The following SLC30A8 variants were observed in gnomAD, a reference collection of about 807,000 sequenced individuals.
SLC30A8 encodes proton-coupled zinc antiporter SLC30A8.
In SLC30A8, 27 loss-of-function variants were observed where a neutral mutation model predicts 36.9. The ratio of observed to expected loss-of-function variants is 0.73; its 90% CI spans 0.54 to 1.01. The LOEUF is 1.01. SLC30A8 is among the 50% of genes least tolerant of loss of function. The pLI is 0.00. For missense variants in SLC30A8, 439 were observed against 452.0 expected (o/e 0.97, Z 0.26); for synonymous variants, 164 against 172.4 (o/e 0.95, Z 0.38).
In SLC30A8 at chr8:117,172,788, C is replaced by T. The variant is rs1823456440; in HGVS notation, c.*107C>T. 7.7e-7 allele frequency: 1 copy of T among 1,298,558 alleles called. No individual in the cohort carries two copies. Among genetic ancestry groups the T allele is most frequent in the African/African-American group, 1.5e-5 (1 of 67,870 alleles). The allele number at this position is 1,298,558 out of a possible 1,614,324, so 80.4% of individuals were successfully genotyped here. A position where few individuals can be genotyped will look rare whatever the true frequency, so the allele number is the denominator to read the frequency against. ...AGGAACCAAAGGAAGAAATTCATGTCATGGTGCAATGCACATTTTATCTAT... is the reference window on the plus strand; with the variant it reads ...AGGAACCAAAGGAAGAAATTCATGTTATGGTGCAATGCACATTTTATCTAT... On this transcript the variant is annotated 3_prime_UTR_variant, in exon 8 of 8. Coordinates refer to ENST00000456015, the MANE Select transcript of SLC30A8 (RefSeq NM_173851.3).
At chr8:117,037,167 G>T (rs966884181) in intron 1 of SLC30A8, among the ~76,000 whole-genome samples, 6 of 151,936 alleles carry the variant, frequency 3.9e-5, no homozygotes, top group African/African-American at 1.5e-4. Flanking sequence ...AATCTGTTTA[G>T]CTGCCATTTT....
intron 2 of SLC30A8, among the ~76,000 whole-genome samples, chr8:117,087,107 C>A (rs1301098701): frequency 6.6e-6 from 1 of 152,052 alleles, no homozygotes; most frequent in Non-Finnish European, 1.5e-5. Context: ...AATGGGATTT[C>A]TCGGAAATGG....
rs1208591661 is a variant in SLC30A8, at chr8:117,175,186, A to T, written c.*2505A>T. ...ACATGTAGGTTTGTTACATAGGTATACATGTGCCATGGTGGTTTGCTGCAC... is the reference window on the plus strand; with the variant it reads ...ACATGTAGGTTTGTTACATAGGTATTCATGTGCCATGGTGGTTTGCTGCAC... On this transcript the variant is annotated 3_prime_UTR_variant, in exon 8 of 8. Coordinates refer to ENST00000456015, the MANE Select transcript of SLC30A8 (RefSeq NM_173851.3). 6.6e-6 allele frequency: 1 copy of T among 152,112 alleles called. No homozygotes were observed. Among genetic ancestry groups the T allele is most frequent in the East Asian group, 1.9e-4 (1 of 5,182 alleles). The allele number at this position is 152,112 out of a possible 1,614,324, so 9.4% of individuals were successfully genotyped here.
intron 1 of SLC30A8, among the ~76,000 whole-genome samples, chr8:116,960,655 T>C (rs905134232): frequency 1.3e-5 from 2 of 152,246 alleles, no homozygotes; most frequent in African/African-American, 4.8e-5. Context: ...ACTCTACAAA[T>C]TCATTCAACT....
chr8:117,158,716 G>A (rs887284210), intron 4 of SLC30A8, among the ~76,000 whole-genome samples: 7 of 152,144 alleles, frequency 4.6e-5, no homozygotes, highest in African/African-American at 9.7e-5. Flanking sequence ...ATTTTTTTGA[G>A]TCAAATTTCT....
intron 3 of SLC30A8, among the ~76,000 whole-genome samples, chr8:117,154,178 C>T (rs1475260645): frequency 6.6e-6 from 1 of 152,046 alleles, no homozygotes; most frequent in Non-Finnish European, 1.5e-5. Context: ...TTTGCTGCAC[C>T]TATCAACCCA....
intron 1 of SLC30A8, among the ~76,000 whole-genome samples, chr8:117,146,311 C>T (rs1821893449): frequency 6.6e-6 from 1 of 152,084 alleles, no homozygotes; most frequent in African/African-American, 2.4e-5. Context: ...TGTTATCTAC[C>T]TTTCCATCTG....
chr8:117,132,074 C>A (rs1821160521), upstream of SLC30A8, among the ~76,000 whole-genome samples: 1 of 151,982 alleles, frequency 6.6e-6, no homozygotes. Context: ...TAAAAACAGG[C>A]ACATTTCTAT....
At chr8:117,040,572 T>G (rs1271053660) in intron 2 of SLC30A8, among the ~76,000 whole-genome samples, 1 of 152,244 alleles carries the variant, frequency 6.6e-6, no homozygotes, top group Admixed American at 6.5e-5. Flanking sequence ...GAATTTTTCC[T>G]TGTTCACCCA....
chr8:117,074,349 G>A (rs1818425580), intron 2 of SLC30A8, among the ~76,000 whole-genome samples: 1 of 152,136 alleles, frequency 6.6e-6, no homozygotes, highest in Non-Finnish European at 1.5e-5. Flanking sequence ...CCAAACTCTA[G>A]CATAGACTCA....
intron 1 of SLC30A8, among the ~76,000 whole-genome samples, chr8:116,976,404 A>T (rs898437739): frequency 3.3e-5 from 5 of 152,148 alleles, no homozygotes; most frequent in African/African-American, 1.2e-4. Flanking sequence ...ACTGCATGGA[A>T]CTGATTGGAA....
intron 2 of SLC30A8, among the ~76,000 whole-genome samples, chr8:117,059,758 CA>C (rs1817975633): frequency 6.6e-6 from 1 of 152,124 alleles, no homozygotes; most frequent in Admixed American, 6.6e-5. Flanking sequence ...CACTTAATTC[CA>C]AAAACAGTGA....
At chr8:117,121,892 A>G (rs949499684) in intron 2 of SLC30A8, among the ~76,000 whole-genome samples, 1 of 151,924 alleles carries the variant, frequency 6.6e-6, no homozygotes, top group Non-Finnish European at 1.5e-5. Context: ...GTTAAGCAAC[A>G]TGGAAAAGTT....
At chr8:117,006,598 G>A (rs1816177744) in intron 1 of SLC30A8, among the ~76,000 whole-genome samples, 1 of 151,970 alleles carries the variant, frequency 6.6e-6, no homozygotes, top group Non-Finnish European at 1.5e-5. Flanking sequence ...TCTATTGTAT[G>A]TAGGGATCTG....
intron 1 of SLC30A8, among the ~76,000 whole-genome samples, chr8:117,025,984 G>T (rs115278575): frequency 6.6e-6 from 1 of 152,108 alleles, no homozygotes; most frequent in Non-Finnish European, 1.5e-5. Context: ...CCTTTCCTTC[G>T]CAGGGTGATG....
intron 2 of SLC30A8, among the ~76,000 whole-genome samples, chr8:117,048,906 G>A (rs1007016491): frequency 2.0e-5 from 3 of 152,148 alleles, no homozygotes; most frequent in Admixed American, 6.5e-5. Flanking sequence ...CATGAGCACA[G>A]CAGGAAGAGA....
intron 1 of SLC30A8, among the ~76,000 whole-genome samples, chr8:116,958,085 C>A (rs117238355): frequency 0.022 from 3,416 of 152,270 alleles, 52 homozygotes; most frequent in Middle Eastern, 0.078. Flanking sequence ...TTAGCAATAT[C>A]ACTTATTTTC....
At chr8:117,039,124 G>A (rs1281961926) in intron 1 of SLC30A8, 1 of 152,136 alleles carries the variant, frequency 6.6e-6, no homozygotes, top group East Asian at 1.9e-4. Flanking sequence ...TGCACCTACT[G>A]CAACCAGACC....
At chr8:117,032,195 C>T (rs1817076261) in intron 1 of SLC30A8, among the ~76,000 whole-genome samples, 1 of 151,756 alleles carries the variant, frequency 6.6e-6, no homozygotes, top group South Asian at 2.1e-4. Flanking sequence ...GTAAACTTCT[C>T]TATCTACTAC....
Sources: gnomAD v4.1 joint callset for allele counts (sites outside exome capture counted in the v4.1 genomes callset) on GRCh38, gnomAD v4.1.1 for gene constraint, MANE v1.5 for transcripts, NCBI Gene and HGNC (gene_info 2026-07-23, HGNC 2026-07-21) for gene names.